The following ABCC3 variants were observed in gnomAD, a reference collection of about 807,000 sequenced individuals.
ABCC3 encodes the protein ATP binding cassette subfamily C member 3, also known as ATP-binding cassette sub-family C member 3.
Under a neutral mutation model 165.3 loss-of-function variants are expected in ABCC3, and 121 were observed. That is an observed-to-expected ratio of 0.73 (90% CI 0.63 to 0.85). The LOEUF (loss-of-function observed/expected upper bound fraction) is 0.85, where lower values mean the gene tolerates loss of function less well. ABCC3 is among the 40% of genes least tolerant of loss of function. ABCC3 has a pLI of 0.00. For missense variants in ABCC3, 1,869 were observed against 1,964.1 expected (o/e 0.95, Z 0.92); for synonymous variants, 733 against 810.1 (o/e 0.90, Z 1.62).
chr17:50,679,562 A>G, intron 25 of ABCC3: 1 of 398,534 alleles, frequency 2.5e-6, no homozygotes, highest in Non-Finnish European at 4.6e-6. Context: ...AAGTTGGAGA[A>G]ACAGAAACCA....
chr17:50,650,871 C>A (rs540571772), intron 1 of ABCC3, among the ~76,000 whole-genome samples: 1 of 151,988 alleles, frequency 6.6e-6, no homozygotes, highest in African/African-American at 2.4e-5. Context: ...TCAAGACCGG[C>A]CTGGCTGACA....
At chr17:50,643,856 C>T in intron 1 of ABCC3, among the ~76,000 whole-genome samples, 1 of 151,430 alleles carries the variant, frequency 6.6e-6, no homozygotes, top group East Asian at 1.9e-4. Context: ...TGGGGGGGGT[C>T]TTGAGGACCA....
rs1597862305 is a variant in ABCC3, at chr17:50,684,868, A to T, written c.4273A>T (p.Asn1425Tyr). ...LDFQCSEGGE[N>Y]LSVGQRQLVC... The stretch of plus-strand genomic sequence containing the variant: ...CTTCCAGTGCTCAGAGGGCGGGGAG[A>T]ATCTCAGGTAAACACTGGGAGTGCA... Residue 1425 changes from asparagine to tyrosine, a missense_variant, in exon 29 of 31, where the codon AAT (asparagine) becomes TAT (tyrosine). Asn to Tyr is a moderately radical substitution (Grantham distance 143). Transcript: ENST00000285238. 1 of 1,613,886 alleles carries T rather than the reference A, an allele frequency of 6.2e-7. No homozygotes were observed. The highest frequency in any genetic ancestry group is 2.2e-5 in the East Asian group (1 of 44,876).
At chr17:50,690,224 G>A (rs566341813) in intron 30 of ABCC3, among the ~76,000 whole-genome samples, 1 of 152,114 alleles carries the variant, frequency 6.6e-6, no homozygotes, top group African/African-American at 2.4e-5. Flanking sequence ...TGGGGGTGGA[G>A]AACAGGCCGC....
chr17:50,659,117 T>G, intron 6 of ABCC3, 120 bp from the exon 7 acceptor site: 1 of 1,211,136 alleles, frequency 8.3e-7, no homozygotes. Context: ...ATGGTCACAG[T>G]GCCCGAGGGA....
intron 1 of ABCC3, among the ~76,000 whole-genome samples, chr17:50,642,169 T>G (rs1966904779): frequency 6.6e-6 from 1 of 152,210 alleles, no homozygotes; most frequent in Non-Finnish European, 1.5e-5. Flanking sequence ...AGGAAGGAAC[T>G]GCCATCCCCG....
intron 1 of ABCC3, among the ~76,000 whole-genome samples, chr17:50,653,990 G>A (rs1420164115): frequency 6.6e-6 from 1 of 152,294 alleles, no homozygotes; most frequent in South Asian, 2.1e-4. Flanking sequence ...CTCATGTTAG[G>A]TTTGTTTACA....
chr17:50,663,829 A>G lies in ABCC3; in HGVS notation c.1147A>G (p.Thr383Ala), dbSNP rs758828229. 7.4e-6 allele frequency: 12 copies of G among 1,614,020 alleles called. No individual in the cohort carries two copies. Among genetic ancestry groups the G allele is most frequent in the Non-Finnish European group, 9.3e-6 (11 of 1,180,032 alleles). Residue 383 changes from threonine (T) to alanine (A), a missense_variant, in exon 9 of 31, where the codon ACT (threonine) becomes GCT (alanine). By Grantham distance (58) the Thr-to-Ala change is moderately conservative (BLOSUM62 0). Transcript: ENST00000285238. The part of the protein sequence containing the change: ...YIFVTGVKFR[T>A]GIMGVIYRKA... ...CTTTGTGACTGGGGTGAAGTTTCGT[A>G]CTGGGATCATGGGTGTCATCTACAG...
Position 50,656,785 on chromosome 17 carries a change from C to G in ABCC3, c.306C>G (p.Ala102=), listed in dbSNP as rs1967259475. ...FHGLVHGRAP[A]PVFFVTPLVV... ...GCCTGGTCCATGGCCGGGCCCCTGCCCCTGTTTTCTTTGTCACCCCCTTGG... is the reference window on the plus strand; with the variant it reads ...GCCTGGTCCATGGCCGGGCCCCTGCGCCTGTTTTCTTTGTCACCCCCTTGG... Residue 102 remains alanine, a synonymous_variant, in exon 3 of 31, where the codon GCC becomes GCG. Coordinates refer to ENST00000285238, the MANE Select transcript of ABCC3 (RefSeq NM_003786.4). 6.2e-7 allele frequency: 1 copy of G among 1,613,688 alleles called. No homozygotes were observed. Among genetic ancestry groups the G allele is most frequent in the Non-Finnish European group, 8.5e-7 (1 of 1,179,902 alleles).
At chr17:50,682,038 G>T (rs1967937974) in intron 26 of ABCC3, among the ~76,000 whole-genome samples, 1 of 152,056 alleles carries the variant, frequency 6.6e-6, no homozygotes, top group African/African-American at 2.4e-5. Context: ...CCCGTTCTCT[G>T]ACGCCTCCTT....
intron 26 of ABCC3, among the ~76,000 whole-genome samples, chr17:50,683,362 AAAAAAG>A (rs1967958986): frequency 6.6e-6 from 1 of 151,460 alleles, no homozygotes; most frequent in Non-Finnish European, 1.5e-5. Flanking sequence ...AAAAAAAAAA[AAAAAAG>A]GAACATGGGC....
chr17:50,683,570 A>G (rs373859263), intron 26 of ABCC3, 40 bp from the exon 27 acceptor site: 12 of 1,503,192 alleles, frequency 8.0e-6, no homozygotes, highest in Middle Eastern at 1.8e-4. Flanking sequence ...AGAGGGCTTC[A>G]CTGGGCAGCT....
chr17:50,677,844 T>C lies in ABCC3; in HGVS notation c.3479T>C (p.Val1160Ala). 6.2e-7 allele frequency: 1 copy of C among 1,614,122 alleles called. No homozygotes were observed. Among genetic ancestry groups the C allele is most frequent in the Non-Finnish European group, 8.5e-7 (1 of 1,180,022 alleles). The part of the protein sequence containing the change: ...HFSETVTGAS[V>A]IRAYNRSRDF... ...TCGGAGACAGTGACTGGTGCCAGTG[T>C]CATCCGGGCCTACAACCGCAGCCGG... Residue 1160 changes from valine (V) to alanine (A), a missense_variant, in exon 24 of 31, where the codon GTC (valine) becomes GCC (alanine). Transcript: ENST00000285238.
At chr17:50,683,923 C>T (rs1442532010) in intron 27 of ABCC3, 26 bp from the exon 28 acceptor site, 1 of 1,608,662 alleles carries the variant, frequency 6.2e-7, no homozygotes, top group Non-Finnish European at 8.5e-7. Flanking sequence ...GCTTCCCCCT[C>T]AGAGCCCCTT....
chr17:50,638,087 T>G (rs574087723), intron 1 of ABCC3, among the ~76,000 whole-genome samples: 13 of 152,306 alleles, frequency 8.5e-5, no homozygotes, highest in African/African-American at 3.1e-4. Flanking sequence ...GAATGTGCCT[T>G]GGGAGTTTTT....
In ABCC3 at chr17:50,669,344, G is replaced by A; in HGVS notation, c.2065-8G>A. 6.2e-7 allele frequency: 1 copy of A among 1,614,198 alleles called. No homozygotes were observed. Among genetic ancestry groups the A allele is most frequent in the Non-Finnish European group, 8.5e-7 (1 of 1,180,022 alleles). On this transcript the variant is annotated splice_region_variant and splice_polypyrimidine_tract_variant and intron_variant, in intron 16 of 30. Transcript: ENST00000285238. ...GCAAGCCCCGAGGTAAATTTCTCCT[G>A]TGGCCAGGGCTCCGTGGCCTATGTG...
chr17:50,652,440 G>A (rs1967130224), intron 1 of ABCC3, among the ~76,000 whole-genome samples: 1 of 152,164 alleles, frequency 6.6e-6, no homozygotes, highest in South Asian at 2.1e-4. Flanking sequence ...CTATTATAAA[G>A]AGGCAATTTT....
chr17:50,658,197 A>G lies in ABCC3; in HGVS notation c.602A>G (p.Asn201Ser). 6.2e-7 allele frequency: 1 copy of G among 1,614,184 alleles called. No individual in the cohort carries two copies. Among genetic ancestry groups the G allele is most frequent in the Non-Finnish European group, 8.5e-7 (1 of 1,180,026 alleles). The change falls in exon 5 of 31, where the codon AAT becomes AGT. Residue 201 changes from asparagine to serine, a missense_variant. Coordinates refer to ENST00000285238, the MANE Select transcript of ABCC3 (RefSeq NM_003786.4). ...AAACCTCCATTTTTCTCCGCAAAGA[A>G]TGTCGACCCTGTGAGTTTCCCATGG... ...REKPPFFSAKNVDPNPYPETS... is the reference protein window; with the variant it reads ...REKPPFFSAKSVDPNPYPETS...
intron 27 of ABCC3, 85 bp from the exon 28 acceptor site, chr17:50,683,864 G>A (rs1381993722): frequency 1.3e-6 from 2 of 1,563,200 alleles, no homozygotes; most frequent in South Asian, 1.2e-5. Flanking sequence ...CCAGCCACAT[G>A]TTTGTTCGGC....
Sources: gnomAD v4.1 joint callset for allele counts (sites outside exome capture counted in the v4.1 genomes callset) on GRCh38, gnomAD v4.1.1 for gene constraint, MANE v1.5 for transcripts, NCBI Gene and HGNC (gene_info 2026-07-23, HGNC 2026-07-21) for gene names.